Variants in MAGI2 observed in about 807,000 individuals in gnomAD.
MAGI2 encodes the protein membrane associated guanylate kinase, WW and PDZ domain containing 2, also known as membrane-associated guanylate kinase, WW and PDZ domain-containing protein 2.
Under a neutral mutation model 133.3 loss-of-function variants are expected in MAGI2, and 35 were observed. The observed-to-expected ratio is 0.26, with a 90% CI of 0.20 to 0.35. The LOEUF (loss-of-function observed/expected upper bound fraction) is 0.35, where lower values mean the gene tolerates loss of function less well. Among genes scored for constraint, MAGI2 ranks in the 10% least tolerant of loss-of-function variants. MAGI2 has a pLI of 1.00. For missense variants in MAGI2, 1,636 were observed against 1,863.4 expected (o/e 0.88, Z 2.25); for synonymous variants, 729 against 710.6 (o/e 1.03, Z -0.41).
chr7:78,299,257 C>T (rs1340730599), intron 9 of MAGI2, among the ~76,000 whole-genome samples: 2 of 152,154 alleles, frequency 1.3e-5, no homozygotes, highest in African/African-American at 4.8e-5. Flanking sequence ...AAGAATGAGT[C>T]ATATTTCAAA....
At chr7:78,619,783 A>G (rs1807524976) in intron 3 of MAGI2, among the ~76,000 whole-genome samples, 1 of 151,912 alleles carries the variant, frequency 6.6e-6, no homozygotes, top group African/African-American at 2.4e-5. Flanking sequence ...ATCACTCACC[A>G]AAAAATTCTG....
chr7:78,722,579 C>T (rs924692765), intron 2 of MAGI2, among the ~76,000 whole-genome samples: 1 of 151,982 alleles, frequency 6.6e-6, no homozygotes, highest in Non-Finnish European at 1.5e-5. Context: ...ATCTCATCAT[C>T]AAAAAAGCCC....
chr7:78,724,358 A>C (rs1820555882), intron 2 of MAGI2, among the ~76,000 whole-genome samples: 1 of 152,218 alleles, frequency 6.6e-6, no homozygotes, highest in Non-Finnish European at 1.5e-5. Flanking sequence ...GATGGGTTTC[A>C]AATGAGAGAG....
chr7:79,036,167 T>A (rs1811107766), intron 1 of MAGI2, among the ~76,000 whole-genome samples: 1 of 152,208 alleles, frequency 6.6e-6, no homozygotes, highest in Non-Finnish European at 1.5e-5. Flanking sequence ...ACATGTATAA[T>A]CCCTCACAGT....
intron 1 of MAGI2, among the ~76,000 whole-genome samples, chr7:79,275,831 A>G (rs1835192631): frequency 6.6e-6 from 1 of 152,184 alleles, no homozygotes; most frequent in Non-Finnish European, 1.5e-5. Context: ...GTGTTCTATT[A>G]GTGGAAAACA....
At chr7:78,858,581 C>T (rs979261035) in intron 2 of MAGI2, among the ~76,000 whole-genome samples, 2 of 152,116 alleles carry the variant, frequency 1.3e-5, no homozygotes, top group African/African-American at 4.8e-5. Context: ...TTTCTTAATC[C>T]TGAGTTCTAG....
intron 10 of MAGI2, among the ~76,000 whole-genome samples, chr7:78,218,564 C>T (rs1426183697): frequency 6.6e-6 from 1 of 152,168 alleles, no homozygotes; most frequent in African/African-American, 2.4e-5. Flanking sequence ...AAGTTGACAG[C>T]TTATTTTTGA....
At chr7:78,290,989 G>T (rs1474459696) in intron 9 of MAGI2, among the ~76,000 whole-genome samples, 3 of 152,182 alleles carry the variant, frequency 2.0e-5, no homozygotes, top group Non-Finnish European at 4.4e-5. Context: ...AAGCAGGAAA[G>T]ATCTAAAATT....
At chr7:78,741,376 AACACACACACACACACAC>A (rs55784786) in intron 2 of MAGI2, among the ~76,000 whole-genome samples, 36 of 117,546 alleles carry the variant, frequency 3.1e-4, no homozygotes, top group East Asian at 2.5e-3. Flanking sequence ...AAAAAGTTGA[AACACACACACACACACAC>A]ACACACACAC....
chr7:78,649,814 T>A (rs1034687975), intron 2 of MAGI2, among the ~76,000 whole-genome samples: 8 of 152,072 alleles, frequency 5.3e-5, no homozygotes, highest in African/African-American at 1.9e-4. Context: ...ACCTCACTCG[T>A]CTGAACAGTC....
At chr7:78,859,800 G>A (rs958178475) in intron 2 of MAGI2, among the ~76,000 whole-genome samples, 1 of 152,094 alleles carries the variant, frequency 6.6e-6, no homozygotes, top group African/African-American at 2.4e-5. Flanking sequence ...CACTAGGTTG[G>A]GGTAGTTCTC....
At chr7:78,540,821 T>C (rs534829100) in intron 3 of MAGI2, among the ~76,000 whole-genome samples, 1 of 152,282 alleles carries the variant, frequency 6.6e-6, no homozygotes, top group African/African-American at 2.4e-5. Context: ...GCTTTCTAAA[T>C]TCATTTCAAC....
At position 79,191,415 on chromosome 7, in the gene MAGI2, T is replaced by C. The variant is rs1422297383; in HGVS notation, c.302-184209A>G. 6.5e-3 allele frequency among the ~76,000 whole-genome samples: 698 copies of C among 106,896 alleles called. 19 individuals carry two copies. The highest frequency in any genetic ancestry group is 0.027 in the African/African-American group (645 of 24,278). The allele number at this position is 106,896 out of a possible 152,430, so 70.1% of individuals were successfully genotyped here. A position where few individuals can be genotyped will look rare whatever the true frequency, so the allele number is the denominator to read the frequency against. ...TTCTTTTTCTTTCTTTTTTTTTTTTTTTTTTTTTTTTTTTTTTTTTAGAGA... is the reference window on the plus strand; with the variant it reads ...TTCTTTTTCTTTCTTTTTTTTTTTTCTTTTTTTTTTTTTTTTTTTTAGAGA... On this transcript the variant is annotated intron_variant, in intron 1 of 21. Transcript: ENST00000354212.
intron 6 of MAGI2, among the ~76,000 whole-genome samples, chr7:78,383,134 G>A (rs1388449135): frequency 1.3e-5 from 2 of 152,024 alleles, no homozygotes; most frequent in African/African-American, 4.8e-5. Flanking sequence ...TCCAATAGTG[G>A]GATTGCTGAA....
intron 1 of MAGI2, chr7:79,414,091 G>A (rs1272438406): frequency 6.6e-6 from 1 of 152,086 alleles, no homozygotes; most frequent in Non-Finnish European, 1.5e-5. Flanking sequence ...CAAAGGCATT[G>A]GTAGGATACT....
At chr7:78,515,112 T>C (rs1009173942) in intron 4 of MAGI2, among the ~76,000 whole-genome samples, 2 of 152,168 alleles carry the variant, frequency 1.3e-5, no homozygotes, top group Admixed American at 6.5e-5. Context: ...AGCTACAAGA[T>C]AATAGTGAAT....
chr7:78,309,877 T>C (rs2151092412), intron 9 of MAGI2, among the ~76,000 whole-genome samples: 1 of 152,240 alleles, frequency 6.6e-6, no homozygotes, highest in East Asian at 1.9e-4. Flanking sequence ...TTTCATTGAA[T>C]TATTGAGAAG....
chr7:78,977,467 GAAA>G (rs1804371955), intron 2 of MAGI2, among the ~76,000 whole-genome samples: 1 of 180 alleles, frequency 5.6e-3, no homozygotes, highest in Admixed American at 0.038. Flanking sequence ...TACAAAGAAA[GAAA>G]GAAAGAAAGA....
intron 2 of MAGI2, among the ~76,000 whole-genome samples, chr7:78,997,539 T>C (rs1806427069): frequency 6.6e-6 from 1 of 151,616 alleles, no homozygotes; most frequent in South Asian, 2.1e-4. Context: ...GAGGTGGAGA[T>C]TGCGGTGAGC....
Sources: gnomAD v4.1 joint callset for allele counts (sites outside exome capture counted in the v4.1 genomes callset) on GRCh38, gnomAD v4.1.1 for gene constraint, MANE v1.5 for transcripts, NCBI Gene and HGNC (gene_info 2026-07-23, HGNC 2026-07-21) for gene names.